ROCK2: variants seen among roughly 807,000 people sequenced by gnomAD.
ROCK2 encodes rho-associated protein kinase 2.
In ROCK2, 61 loss-of-function variants were observed where a neutral mutation model predicts 195.1. The ratio of observed to expected loss-of-function variants is 0.31; its 90% CI spans 0.25 to 0.39. The LOEUF is 0.39. ROCK2 is among the 10% of genes least tolerant of loss of function. The pLI, the probability that ROCK2 is intolerant of heterozygous loss-of-function variation, is 1.00. For synonymous variants in ROCK2, 504 were observed against 545.5 expected (o/e 0.92, Z 1.06); for missense variants, 1,109 against 1,637.4 (o/e 0.68, Z 5.57).
At chr2:11,328,282 T>C (rs1668607884) in intron 1 of ROCK2, among the ~76,000 whole-genome samples, 1 of 152,170 alleles carries the variant, frequency 6.6e-6, no homozygotes, top group Admixed American at 6.5e-5. Context: ...GAAGCTAATA[T>C]GTGCCAAATA....
chr2:11,301,438 A>G (rs1041619383), intron 1 of ROCK2, among the ~76,000 whole-genome samples: 4 of 152,228 alleles, frequency 2.6e-5, no homozygotes, highest in Admixed American at 6.5e-5. Flanking sequence ...CCAGCATCTT[A>G]GTATCAACAT....
At chr2:11,183,697 G>A (rs560889188) in intron 32 of ROCK2, among the ~76,000 whole-genome samples, 1 of 152,142 alleles carries the variant, frequency 6.6e-6, no homozygotes, top group South Asian at 2.1e-4. Flanking sequence ...ATTTTAATAT[G>A]GTTAACAAGC....
chr2:11,293,820 C>A (rs772629090), intron 1 of ROCK2, among the ~76,000 whole-genome samples: 1 of 152,102 alleles, frequency 6.6e-6, no homozygotes, highest in Non-Finnish European at 1.5e-5. Context: ...AGAGAATGAA[C>A]CTTTACAATG....
At chr2:11,290,390 G>C (rs906644170) in intron 1 of ROCK2, among the ~76,000 whole-genome samples, 1 of 152,036 alleles carries the variant, frequency 6.6e-6, no homozygotes, top group Non-Finnish European at 1.5e-5. Context: ...CTTGAGCCCA[G>C]GAGTTCAAGA....
Position 11,344,279 on chromosome 2 carries a change from A to G in ROCK2, c.-143T>C. Reference sequence around the variant, plus strand: ...CCTCTAGCTCCGGCTTCGGGTCTCCAAGGCGGTCCCCCGCCTGGGGGCTGC... The same window carrying G: ...CCTCTAGCTCCGGCTTCGGGTCTCCGAGGCGGTCCCCCGCCTGGGGGCTGC... On this transcript the variant is annotated 5_prime_UTR_variant, in exon 1 of 33. Transcript: ENST00000315872. This position sits in a 1 kb window ranked among gnomAD's most constrained non-coding sequence, Gnocchi z 5.4. The G allele has an allele frequency of 7.9e-7, 1 of 1,258,014 alleles. No homozygotes were observed. Among genetic ancestry groups the G allele is most frequent in the African/African-American group, 1.6e-5 (1 of 63,762 alleles). 77.9% of individuals were successfully genotyped at this position (1,258,014 alleles called of 1,614,324 possible).
intron 1 of ROCK2, among the ~76,000 whole-genome samples, chr2:11,319,058 TTTGGCTC>T (rs1380632344): frequency 1.3e-5 from 2 of 152,232 alleles, no homozygotes; most frequent in African/African-American, 4.8e-5. Context: ...GCTTTGTTCT[TTTGGCTC>T]AGGATTGACT....
At position 11,222,051 on chromosome 2, in the gene ROCK2, T is replaced by A. The variant is rs556761063; in HGVS notation, c.1099+32A>T. On this transcript the variant is annotated intron_variant, in intron 8 of 32. Coordinates refer to ENST00000315872, the MANE Select transcript of ROCK2 (RefSeq NM_004850.5). ...TCAACTTATGAGTTTCAGAATGTGA[T>A]GGAATGAAAATATTTAGGTTTATTG... is the stretch of plus-strand genomic sequence containing the variant. The A allele has an allele frequency of 5.4e-5, 70 of 1,285,968 alleles. No homozygotes were observed. The South Asian group carries it at 7.9e-4, about 14-fold the overall frequency. The allele number at this position is 1,285,968 out of a possible 1,614,324, so 79.7% of individuals were successfully genotyped here. A position where few individuals can be genotyped will look rare whatever the true frequency, so the allele number is the denominator to read the frequency against.
At chr2:11,289,229 A>ATT (rs1667289716) in intron 1 of ROCK2, among the ~76,000 whole-genome samples, 1 of 152,164 alleles carries the variant, frequency 6.6e-6, no homozygotes, top group Non-Finnish European at 1.5e-5. Context: ...AAATTCACAC[A>ATT]TTGAGACATA....
chr2:11,242,092 A>G (rs1377093064), intron 4 of ROCK2, among the ~76,000 whole-genome samples: 1 of 152,150 alleles, frequency 6.6e-6, no homozygotes, highest in Non-Finnish European at 1.5e-5. Context: ...TTGATCTTGG[A>G]CTTCCCAGCA....
At chr2:11,262,308 G>A (rs1408189961) in intron 3 of ROCK2, among the ~76,000 whole-genome samples, 1 of 152,112 alleles carries the variant, frequency 6.6e-6, no homozygotes, top group Non-Finnish European at 1.5e-5. Context: ...TAACATAACT[G>A]ATAAAATCTT....
chr2:11,341,092 AG>A (rs1288596713), intron 1 of ROCK2, among the ~76,000 whole-genome samples: 1 of 148,788 alleles, frequency 6.7e-6, no homozygotes, highest in Non-Finnish European at 1.5e-5. Flanking sequence ...AAAAAAAAAA[AG>A]AGGCAGTAGA....
rs199722144 is a variant in ROCK2 at position 11,194,392 on chromosome 2, C to T, written c.3520-48G>A. On this transcript the variant is annotated intron_variant, in intron 28 of 32. Transcript: ENST00000315872. ...AATCAGTAATTCAAGTTTTTATATA[C>T]CTTATTTATTGATTTTTTTGAAAAT... 27 of 699,736 alleles carry T rather than the reference C, an allele frequency of 3.9e-5. No individual in the cohort carries two copies. The East Asian group carries it at 7.5e-4, about 20-fold the overall frequency. 43.3% of individuals were successfully genotyped at this position (699,736 alleles called of 1,614,324 possible).
In ROCK2 at chr2:11,216,266, T is replaced by C. The variant is rs1211440549; in HGVS notation, c.1413-60A>G. ...CTAATTTACAATAAAACATAGTCTA[T>C]AAATTTAAAAGTAATTACATAATTA... On this transcript the variant is annotated intron_variant, in intron 12 of 32. Coordinates refer to ENST00000315872, the MANE Select transcript of ROCK2 (RefSeq NM_004850.5). 2.4e-6 allele frequency: 3 copies of C among 1,233,382 alleles called. No individual in the cohort carries two copies. In the African/African-American group the frequency reaches 4.5e-5, roughly 19 times the overall value. The allele number at this position is 1,233,382 out of a possible 1,614,324, so 76.4% of individuals were successfully genotyped here. A position where few individuals can be genotyped will look rare whatever the true frequency, so the allele number is the denominator to read the frequency against.
intron 3 of ROCK2, among the ~76,000 whole-genome samples, chr2:11,276,550 TA>T (rs1423291492): frequency 6.6e-6 from 1 of 152,184 alleles, no homozygotes; most frequent in African/African-American, 2.4e-5. Context: ...CCCTTGTTAT[TA>T]GACTGGAAGA....
At chr2:11,245,046 T>C (rs769701734) in intron 4 of ROCK2, among the ~76,000 whole-genome samples, 11 of 151,824 alleles carry the variant, frequency 7.2e-5, no homozygotes, top group Non-Finnish European at 1.3e-4. Flanking sequence ...TATCCCACTT[T>C]TAAAAATCAC....
intron 4 of ROCK2, among the ~76,000 whole-genome samples, chr2:11,248,465 C>T (rs550112032): frequency 1.1e-4 from 17 of 151,818 alleles, no homozygotes; most frequent in African/African-American, 3.1e-4. Context: ...CCCAGCACTT[C>T]GGGAGGCTAA....
At chr2:11,282,563 G>A (rs1667042011) in intron 3 of ROCK2, among the ~76,000 whole-genome samples, 1 of 135,414 alleles carries the variant, frequency 7.4e-6, no homozygotes. Context: ...GAGGCAATAC[G>A]ATGGATTGAA....
In ROCK2 at chr2:11,201,386, G is replaced by A. The variant is rs1010947270; in HGVS notation, c.2647C>T (p.Leu883Phe). 2.5e-6 allele frequency: 4 copies of A among 1,609,776 alleles called. No homozygotes were observed. Among genetic ancestry groups the A allele is most frequent in the Non-Finnish European group, 3.4e-6 (4 of 1,176,494 alleles). Residue 883 changes from leucine to phenylalanine, a missense_variant, in exon 22 of 33, where the codon CTT becomes TTT. Transcript: ENST00000315872. This position sits in a 1 kb window ranked among gnomAD's most constrained non-coding sequence, Gnocchi z 4.6. ...STLYKTQVRE[L>F]KEECEEKTKL... ...GTCTTTTCTTCACATTCTTCTTTAA[G>A]CTCCCTAACTTGTGTTTTATAAAGG... is the stretch of plus-strand genomic sequence containing the variant.
intron 3 of ROCK2, among the ~76,000 whole-genome samples, chr2:11,269,612 G>C (rs547391186): frequency 4.4e-4 from 67 of 152,212 alleles, no homozygotes; most frequent in African/African-American, 1.3e-3. Context: ...TCTTTGAATG[G>C]CCTATATACA....
Sources: gnomAD v4.1 joint callset for allele counts (sites outside exome capture counted in the v4.1 genomes callset) on GRCh38, gnomAD v4.1.1 for gene constraint, Gnocchi (gnomAD v3.1) non-coding constraint, MANE v1.5 for transcripts, NCBI Gene and HGNC (gene_info 2026-07-23, HGNC 2026-07-21) for gene names.